The following IQCJ variants were observed in gnomAD, a reference collection of about 807,000 sequenced individuals.
IQCJ encodes IQ domain-containing protein J.
IQCJ carries 9 observed loss-of-function variants against 11.0 expected under a neutral mutation model. The ratio of observed to expected loss-of-function variants is 0.82; its 90% confidence interval spans 0.49 to 1.43. The LOEUF (loss-of-function observed/expected upper bound fraction) is 1.43, where lower values mean the gene tolerates loss of function less well. Among genes scored for constraint, IQCJ ranks in the 40% most tolerant of loss-of-function variants. The probability of loss-of-function intolerance (pLI) is 0.00; values close to 1 mark genes in which losing one functional copy is unlikely to be tolerated. For missense variants in IQCJ, 146 were observed against 133.2 expected, an observed-to-expected ratio of 1.10 and a Z score of -0.47; for synonymous variants, 55 against 51.3, an observed-to-expected ratio of 1.07 and a Z score of -0.31.
chr3:159,205,834 A>T (rs1403063245), intron 1 of IQCJ, among the ~76,000 whole-genome samples: 1 of 152,180 alleles, frequency 6.6e-6, no homozygotes, highest in Non-Finnish European at 1.5e-5. Flanking sequence ...TTCTGCTTCC[A>T]AATTATAAAA....
chr3:159,214,338 G>A (rs55691510), intron 1 of IQCJ, among the ~76,000 whole-genome samples: 1,788 of 152,116 alleles, frequency 0.012, 28 homozygotes, highest in African/African-American at 0.041. Context: ...TTGGCCTCCT[G>A]ATGATCTCTT....
chr3:159,264,328 T>C (rs765305461), downstream of IQCJ, among the ~76,000 whole-genome samples: 8 of 152,222 alleles, frequency 5.3e-5, no homozygotes, highest in Non-Finnish European at 1.2e-4. Flanking sequence ...CATAAGTGTT[T>C]TGTGCATAAA....
intron 1 of IQCJ, among the ~76,000 whole-genome samples, chr3:159,168,062 G>A (rs148070357): frequency 6.6e-6 from 1 of 152,292 alleles, no homozygotes; most frequent in East Asian, 1.9e-4. Context: ...ACCATCTGTG[G>A]CCTCAGAGAG....
chr3:159,257,154 A>G (rs1028208134), intron 3 of IQCJ, among the ~76,000 whole-genome samples: 6 of 152,238 alleles, frequency 3.9e-5, no homozygotes, highest in Non-Finnish European at 8.8e-5. Context: ...TACTTGTCAT[A>G]TATCCCAGAA....
At chr3:159,106,831 T>G (rs569601014) in intron 1 of IQCJ, among the ~76,000 whole-genome samples, 1 of 152,330 alleles carries the variant, frequency 6.6e-6, no homozygotes, top group South Asian at 2.1e-4. Context: ...TCTTTGGGTT[T>G]GATAATTTGT....
chr3:159,143,196 T>C (rs1413508096), intron 1 of IQCJ, among the ~76,000 whole-genome samples: 1 of 152,188 alleles, frequency 6.6e-6, no homozygotes, highest in Non-Finnish European at 1.5e-5. Context: ...AATCACAGCA[T>C]CTTTGGTAGC....
intron 1 of IQCJ, among the ~76,000 whole-genome samples, chr3:159,091,781 C>A (rs1300588289): frequency 1.3e-5 from 2 of 150,414 alleles, no homozygotes; most frequent in Non-Finnish European, 2.9e-5. Flanking sequence ...GATAATGGCA[C>A]TAAAATATTG....
intron 1 of IQCJ, among the ~76,000 whole-genome samples, chr3:159,084,712 A>G (rs1000091681): frequency 6.6e-6 from 1 of 152,072 alleles, no homozygotes; most frequent in Non-Finnish European, 1.5e-5. Context: ...CATGAAAGAA[A>G]AGCACTGAAT....
At chr3:159,261,733 T>C (rs1055513416) in intron 3 of IQCJ, among the ~76,000 whole-genome samples, 2 of 152,302 alleles carry the variant, frequency 1.3e-5, no homozygotes, top group African/African-American at 4.8e-5. Context: ...GGGAATCACT[T>C]AGCTTATATT....
chr3:159,156,337 G>T (rs1034285081), intron 1 of IQCJ, among the ~76,000 whole-genome samples: 3 of 152,178 alleles, frequency 2.0e-5, no homozygotes, highest in Non-Finnish European at 4.4e-5. Context: ...TCCTGAAGGA[G>T]GTGAGCATTG....
intron 1 of IQCJ, among the ~76,000 whole-genome samples, chr3:159,090,448 T>A (rs1205240301): frequency 6.6e-6 from 1 of 151,836 alleles, no homozygotes; most frequent in Non-Finnish European, 1.5e-5. Context: ...AAGTTCTGTT[T>A]GTACAAGATT....
At chr3:159,139,535 G>C (rs1720483848) in intron 1 of IQCJ, among the ~76,000 whole-genome samples, 1 of 152,180 alleles carries the variant, frequency 6.6e-6, no homozygotes, top group Non-Finnish European at 1.5e-5. Context: ...CCCAGCTGAA[G>C]TCTACTTGCC....
In IQCJ at chr3:159,263,303, G is replaced by T. The variant is rs1728325881; in HGVS notation, c.*572G>T. 1 of 409,078 alleles carries T rather than the reference G, an allele frequency of 2.4e-6. No homozygotes were observed. Among genetic ancestry groups the T allele is most frequent in the African/African-American group, 2.2e-5 (1 of 46,020 alleles). The allele number at this position is 409,078 out of a possible 1,614,324, so 25.3% of individuals were successfully genotyped here. ...TTTCTTCAGGACATGTCAGAAATCT[G>T]CATTTTTAAGTGTTAGCAGCCAGTA... On this transcript the variant is annotated 3_prime_UTR_variant, in exon 4 of 4. Transcript: ENST00000397832.
At chr3:159,086,237 C>T (rs1028028989) in intron 1 of IQCJ, among the ~76,000 whole-genome samples, 62 of 152,132 alleles carry the variant, frequency 4.1e-4, no homozygotes, top group African/African-American at 1.2e-3. Flanking sequence ...AGATATGTGT[C>T]GTTATTTCTG....
chr3:159,175,347 T>C (rs576680740), intron 1 of IQCJ, among the ~76,000 whole-genome samples: 30 of 152,246 alleles, frequency 2.0e-4, no homozygotes, highest in African/African-American at 6.7e-4. Context: ...GGCGCATGCT[T>C]GTAGTCCCAG....
chr3:159,181,421 TGGC>T (rs1723086526), intron 1 of IQCJ, among the ~76,000 whole-genome samples: 2 of 143,858 alleles, frequency 1.4e-5, no homozygotes, highest in African/African-American at 5.2e-5. Context: ...ACCAAGTGAG[TGGC>T]TAGACTTCCT....
At chr3:159,153,590 T>C (rs1721350708) in intron 1 of IQCJ, among the ~76,000 whole-genome samples, 1 of 152,246 alleles carries the variant, frequency 6.6e-6, no homozygotes, top group Non-Finnish European at 1.5e-5. Context: ...CTTTTGGAAT[T>C]ATGTAAACTG....
intron 1 of IQCJ, among the ~76,000 whole-genome samples, chr3:159,217,189 G>C (rs1397440113): frequency 2.0e-5 from 3 of 152,068 alleles, no homozygotes; most frequent in Non-Finnish European, 4.4e-5. Context: ...TTTGGGATGA[G>C]GCCTGAGAAC....
At chr3:159,126,826 C>T (rs540856697) in intron 1 of IQCJ, among the ~76,000 whole-genome samples, 11 of 152,230 alleles carry the variant, frequency 7.2e-5, no homozygotes, top group African/African-American at 2.6e-4. Flanking sequence ...TACAGTGCTT[C>T]CAAGTTAAAT....
Sources: allele counts gnomAD v4.1 joint callset (sites outside exome capture counted in the v4.1 genomes callset), GRCh38; gene constraint gnomAD v4.1.1; transcripts MANE v1.5; gene names NCBI Gene and HGNC (gene_info 2026-07-23, HGNC 2026-07-21).